The following WNK3 variants were observed in gnomAD, a reference collection of about 807,000 sequenced individuals.
WNK3 encodes the protein WNK lysine deficient protein kinase 3.
Under a neutral mutation model 116.7 loss-of-function variants are expected in WNK3, and 18 were observed. The ratio of observed to expected loss-of-function variants is 0.15; its 90% confidence interval spans 0.11 to 0.23. WNK3 has a LOEUF of 0.23. Ranked by LOEUF, WNK3 falls within the 10% of genes least tolerant of loss-of-function variation. The pLI is 1.00. For synonymous variants in WNK3, 404 were observed against 469.4 expected, an observed-to-expected ratio of 0.86 and a Z score of 1.80; for missense variants, 993 against 1,323.8, an observed-to-expected ratio of 0.75 and a Z score of 3.88.
chrX:54,225,173 A>G (rs1056169886), intron 22 of WNK3, among the ~76,000 whole-genome samples: 1 of 108,809 alleles, frequency 9.2e-6, no homozygotes, highest in African/African-American at 3.3e-5. Flanking sequence ...CTTGAGTGAG[A>G]CCAGGAGGTT....
intron 2 of WNK3, among the ~76,000 whole-genome samples, chrX:54,317,085 T>A (rs1557171141): frequency 9.0e-6 from 1 of 110,578 alleles, no homozygotes; most frequent in African/African-American, 3.3e-5. Context: ...ATATGGTACA[T>A]ACATACAATG....
chrX:54,300,681 C>T (rs782524346), intron 6 of WNK3, among the ~76,000 whole-genome samples: 1 of 111,595 alleles, frequency 9.0e-6, no homozygotes, highest in African/African-American at 3.3e-5. Context: ...AGAATCCAAA[C>T]TAAAATAGCT....
chrX:54,204,014 A>T (rs2067526828), intron 22 of WNK3, among the ~76,000 whole-genome samples: 1 of 111,875 alleles, frequency 8.9e-6, no homozygotes, highest in Non-Finnish European at 1.9e-5. Context: ...GGAAGAAGAT[A>T]TTACTTAATA....
chrX:54,213,509 G>A (rs377194756), intron 22 of WNK3, among the ~76,000 whole-genome samples: 9 of 93,582 alleles, frequency 9.6e-5, no homozygotes, highest in Non-Finnish European at 1.6e-4. Flanking sequence ...AGCCGAGATC[G>A]CGCCACTGCA....
Position 54,246,313 on chromosome X carries a change from T to C in WNK3, c.3651+2384A>G, listed in dbSNP as rs192076630. On this transcript the variant is annotated intron_variant, in intron 17 of 23. Transcript: ENST00000354646. The stretch of plus-strand genomic sequence containing the variant: ...CATGACTGCCAAATGAAAAATTAAC[T>C]GGATACAGCTGAATACCAAGAGAGT... Among the ~76,000 whole-genome samples the C allele has an allele frequency of 1.0e-4, 11 of 110,339 alleles. No individual in the cohort carries two copies. The East Asian group carries it at 3.1e-3, about 31-fold the overall frequency.
At chrX:54,310,263 G>A (rs1053356735) in intron 3 of WNK3, among the ~76,000 whole-genome samples, 2 of 109,732 alleles carry the variant, frequency 1.8e-5, no homozygotes, top group Non-Finnish European at 3.8e-5. Flanking sequence ...AATTATGGCC[G>A]GGCATGCTGC....
At chrX:54,269,327 C>G (rs181999535) in intron 10 of WNK3, among the ~76,000 whole-genome samples, 182 of 111,822 alleles carry the variant, frequency 1.6e-3, no homozygotes, top group Middle Eastern at 9.1e-3. Context: ...TGAAAAAACA[C>G]TCAACATCAT....
chrX:54,304,066 T>C (rs1316817379), intron 5 of WNK3, among the ~76,000 whole-genome samples: 1 of 112,040 alleles, frequency 8.9e-6, no homozygotes, highest in Non-Finnish European at 1.9e-5. Context: ...TGAAGTCCCG[T>C]GTAACCATCA....
At chrX:54,346,892 GA>G (rs1169918073) in intron 1 of WNK3, among the ~76,000 whole-genome samples, 1 of 111,705 alleles carries the variant, frequency 9.0e-6, no homozygotes, top group African/African-American at 3.3e-5. Flanking sequence ...CAATACTCCA[GA>G]AAACATTAAA....
At chrX:54,226,469 CAAAAA>C (rs782422874) in intron 22 of WNK3, among the ~76,000 whole-genome samples, 1 of 19,892 alleles carries the variant, frequency 5.0e-5, no homozygotes. Flanking sequence ...GACTCTGTCT[CAAAAA>C]AAAAAAAAAA....
intron 2 of WNK3, among the ~76,000 whole-genome samples, chrX:54,315,929 C>A (rs782780003): frequency 9.0e-6 from 1 of 110,856 alleles, no homozygotes; most frequent in South Asian, 3.9e-4. Flanking sequence ...GCTCCTTATT[C>A]TCCTAGAATG....
intron 6 of WNK3, among the ~76,000 whole-genome samples, chrX:54,299,685 C>T (rs1176523541): frequency 1.8e-5 from 2 of 110,045 alleles, no homozygotes; most frequent in Admixed American, 9.8e-5. Context: ...CAGCCTCAGG[C>T]GTGAGCCACT....
At chrX:54,261,719 A>T (rs1322908741) in intron 10 of WNK3, among the ~76,000 whole-genome samples, 2 of 111,996 alleles carry the variant, frequency 1.8e-5, no homozygotes, top group Non-Finnish European at 3.8e-5. Flanking sequence ...TAAGTGTTTA[A>T]GAACATGTTA....
intron 2 of WNK3, among the ~76,000 whole-genome samples, chrX:54,323,043 A>T (rs2069057086): frequency 9.0e-6 from 1 of 111,632 alleles, no homozygotes; most frequent in African/African-American, 3.3e-5. Context: ...TGCTAAAATC[A>T]GCGGGCAAAA....
intron 5 of WNK3, among the ~76,000 whole-genome samples, chrX:54,305,489 G>T (rs1236179571): frequency 9.0e-6 from 1 of 111,562 alleles, no homozygotes; most frequent in Non-Finnish European, 1.9e-5. Flanking sequence ...TAAGTCTCTT[G>T]TATTCTATAA....
At chrX:54,273,036 A>T (rs1385174195) in intron 10 of WNK3, among the ~76,000 whole-genome samples, 1 of 112,280 alleles carries the variant, frequency 8.9e-6, no homozygotes, top group Non-Finnish European at 1.9e-5. Flanking sequence ...TCATGCATTC[A>T]AAGTCTGAAA....
At chrX:54,238,502 AAG>A in intron 18 of WNK3, 30 bp from the exon 19 acceptor site, 2 of 1,186,653 alleles carry the variant, frequency 1.7e-6, no homozygotes, top group South Asian at 3.8e-5. Context: ...GTAAGTAAAA[AAG>A]AGAAAATTGT....
chrX:54,280,949 TA>T (rs1219005539), intron 10 of WNK3, among the ~76,000 whole-genome samples: 1 of 105,918 alleles, frequency 9.4e-6, no homozygotes, highest in Non-Finnish European at 2.0e-5. Context: ...GTTGAAAAAT[TA>T]AAAAAAAAAG....
intron 10 of WNK3, among the ~76,000 whole-genome samples, chrX:54,264,012 T>A: frequency 9.4e-6 from 1 of 106,623 alleles, no homozygotes. Context: ...ACTACAGGCA[T>A]GTGCCACCAC....
Sources: gnomAD v4.1 joint callset for allele counts (sites outside exome capture counted in the v4.1 genomes callset) on GRCh38, gnomAD v4.1.1 for gene constraint, MANE v1.5 for transcripts, NCBI Gene and HGNC (gene_info 2026-07-23, HGNC 2026-07-21) for gene names.